TP53BP2: variants seen among roughly 807,000 people sequenced by gnomAD.
The protein encoded by TP53BP2 is tumor protein p53 binding protein 2, also known as apoptosis-stimulating of p53 protein 2.
In TP53BP2, 62 loss-of-function variants were observed where a neutral mutation model predicts 126.2. The observed-to-expected ratio is 0.49, with a 90% confidence interval of 0.40 to 0.61. The LOEUF (loss-of-function observed/expected upper bound fraction) is 0.61, where lower values mean the gene tolerates loss of function less well. Ranked by LOEUF, TP53BP2 falls within the 20% of genes least tolerant of loss-of-function variation. The pLI, the probability that TP53BP2 is intolerant of heterozygous loss-of-function variation, is 0.00. For synonymous variants in TP53BP2, 485 were observed against 502.9 expected (o/e 0.96, Z 0.48); for missense variants, 1,215 against 1,402.8 (o/e 0.87, Z 2.14).
intron 1 of TP53BP2, among the ~76,000 whole-genome samples, chr1:223,822,947 C>T (rs375815438): frequency 2.6e-5 from 4 of 152,052 alleles, no homozygotes; most frequent in African/African-American, 9.7e-5. Flanking sequence ...AATTTGAAAG[C>T]GTTACCTCAC....
chr1:223,831,479 A>AT (rs1663721750), intron 1 of TP53BP2, among the ~76,000 whole-genome samples: 728 of 45,644 alleles, frequency 0.016, 2 homozygotes, highest in Non-Finnish European at 0.022. Flanking sequence ...AAAAAAAAAA[A>AT]AATATATATA....
intron 1 of TP53BP2, among the ~76,000 whole-genome samples, chr1:223,841,912 CTTT>C (rs779473003): frequency 7.0e-6 from 1 of 142,322 alleles, no homozygotes. Context: ...CTTTCTCTTT[CTTT>C]TTTTTTTTTT....
At chr1:223,835,322 T>C (rs1405764215) in intron 1 of TP53BP2, among the ~76,000 whole-genome samples, 1 of 152,242 alleles carries the variant, frequency 6.6e-6, no homozygotes, top group Non-Finnish European at 1.5e-5. Flanking sequence ...GAACGTATCC[T>C]CTAAAGCAAC....
At chr1:223,822,916 G>A (rs150632373) in intron 1 of TP53BP2, among the ~76,000 whole-genome samples, 158 of 152,260 alleles carry the variant, frequency 1.0e-3, no homozygotes, top group African/African-American at 3.5e-3. Context: ...AAGTCAGTAT[G>A]TATCAGGATT....
chr1:223,824,010 T>C (rs1047816392), intron 1 of TP53BP2, among the ~76,000 whole-genome samples: 2 of 152,244 alleles, frequency 1.3e-5, no homozygotes, highest in Non-Finnish European at 2.9e-5. Context: ...TCAGACACAT[T>C]ATCTCAGAAA....
chr1:223,804,440 T>C (rs1167887827), intron 5 of TP53BP2, 92 bp from the exon 6 acceptor site: 4 of 1,178,482 alleles, frequency 3.4e-6, no homozygotes, highest in Admixed American at 4.0e-5. Context: ...GATGTTGAGA[T>C]TGAGGTACAC....
intron 1 of TP53BP2, among the ~76,000 whole-genome samples, chr1:223,830,743 A>G (rs1663669288): frequency 6.6e-6 from 1 of 152,188 alleles, no homozygotes. Context: ...ATAGAGTGTT[A>G]GGAAAATGTT....
rs987487362 is a variant in TP53BP2, at chr1:223,814,753, C to T, written c.176-400G>A. ...AATATACAAAGAAAATATTAAAAAG[C>T]AACTTTCTAAATAGCCTAGTCTTTT... On this transcript the variant is annotated intron_variant, in intron 2 of 17. Transcript: ENST00000343537. Among the ~76,000 whole-genome samples the T allele has an allele frequency of 4.6e-5, 7 of 151,774 alleles. 1 individual carries two copies. Among genetic ancestry groups the T allele is most frequent in the Admixed American group, 1.3e-4 (2 of 15,268 alleles).
At chr1:223,781,988 T>C (rs1571831244) in intron 17 of TP53BP2, among the ~76,000 whole-genome samples, 1 of 152,204 alleles carries the variant, frequency 6.6e-6, no homozygotes, top group Non-Finnish European at 1.5e-5. Context: ...TCTGACCCAC[T>C]GCTCCCGCAC....
chr1:223,839,050 A>C (rs1664019450), intron 1 of TP53BP2, among the ~76,000 whole-genome samples: 1 of 151,662 alleles, frequency 6.6e-6, no homozygotes, highest in Non-Finnish European at 1.5e-5. Context: ...TCTACTTTAA[A>C]ACTACAGTAA....
chr1:223,784,498 T>C lies in TP53BP2; in HGVS notation c.3164-184A>G, dbSNP rs189937395. Among the ~76,000 whole-genome samples the C allele has an allele frequency of 9.9e-5, 15 of 152,246 alleles. No homozygotes were observed. In the East Asian group the frequency reaches 2.3e-3, roughly 23 times the overall value. On this transcript the variant is annotated intron_variant, in intron 16 of 17. Transcript: ENST00000343537. The stretch of plus-strand genomic sequence containing the variant: ...GCATGCAGTGGAAGGCAACAGTGTA[T>C]TGGGAACATACAAAGGACACATTAC...
intron 1 of TP53BP2, among the ~76,000 whole-genome samples, chr1:223,840,324 G>A (rs1280049799): frequency 6.6e-6 from 1 of 152,140 alleles, no homozygotes; most frequent in African/African-American, 2.4e-5. Flanking sequence ...CACATCATCT[G>A]TGTTTTCTTT....
intron 1 of TP53BP2, among the ~76,000 whole-genome samples, chr1:223,842,309 G>T (rs1230443881): frequency 1.3e-5 from 2 of 152,204 alleles, no homozygotes; most frequent in Non-Finnish European, 2.9e-5. Flanking sequence ...TTGTCATACA[G>T]TAGCCACCAG....
chr1:223,842,936 A>C (rs886642640), intron 1 of TP53BP2, among the ~76,000 whole-genome samples: 1 of 152,224 alleles, frequency 6.6e-6, no homozygotes, highest in Admixed American at 6.5e-5. Flanking sequence ...AATATCATAG[A>C]ACTAGAGATA....
rs781091111 is a variant in TP53BP2 at position 223,806,830 on chromosome 1, A to T, written c.474+16T>A. 3.1e-6 allele frequency: 5 copies of T among 1,610,038 alleles called. No individual in the cohort carries two copies. The East Asian group carries it at 6.7e-5, about 22-fold the overall frequency. The stretch of plus-strand genomic sequence containing the variant: ...CAGAGTGAGCATTCATCTCCAAAAA[A>T]AAAGGACGATACTACCTTAGTTGCC... On this transcript the variant is annotated intron_variant, in intron 5 of 17. Coordinates refer to ENST00000343537, the MANE Select transcript of TP53BP2 (RefSeq NM_001031685.3).
intron 1 of TP53BP2, among the ~76,000 whole-genome samples, chr1:223,838,995 G>A (rs1186926704): frequency 1.3e-5 from 2 of 150,422 alleles, no homozygotes; most frequent in Admixed American, 6.6e-5. Context: ...AATAAGGGAC[G>A]ATGTCTCCAT....
In TP53BP2 at chr1:223,802,207, C is replaced by T. The variant is rs542730880; in HGVS notation, c.1134G>A (p.Pro378=). ...AAGCCTGAATGACCAAGGAACCATCCGGCAGGGCTGGCTTCACCAGCAATT... is the reference window on the plus strand; with the variant it reads ...AAGCCTGAATGACCAAGGAACCATCTGGCAGGGCTGGCTTCACCAGCAATT... ...RPELLVKPAL[P]DGSLVIQASE... The change falls in exon 9 of 18, where the codon CCG becomes CCA. Residue 378 remains proline, a synonymous_variant. Coordinates refer to ENST00000343537, the MANE Select transcript of TP53BP2 (RefSeq NM_001031685.3). The T allele has an allele frequency of 5.3e-5, 85 of 1,614,168 alleles. No individual in the cohort carries two copies. The highest frequency in any genetic ancestry group is 4.7e-4 in the East Asian group (21 of 44,886).
chr1:223,829,385 T>C (rs762628323), intron 1 of TP53BP2, among the ~76,000 whole-genome samples: 4 of 152,016 alleles, frequency 2.6e-5, no homozygotes, highest in Non-Finnish European at 5.9e-5. Context: ...AATTCAGAAA[T>C]GAAAAAGATG....
chr1:223,790,259 T>A (rs927390626), intron 15 of TP53BP2, among the ~76,000 whole-genome samples: 3 of 151,194 alleles, frequency 2.0e-5, no homozygotes, highest in African/African-American at 4.9e-5. Context: ...CTCAAAAAAA[T>A]TTTTATTTTT....
Sources: gnomAD v4.1 joint callset for allele counts (sites outside exome capture counted in the v4.1 genomes callset) on GRCh38, gnomAD v4.1.1 for gene constraint, MANE v1.5 for transcripts, NCBI Gene and HGNC (gene_info 2026-07-23, HGNC 2026-07-21) for gene names.